SIPA1L2: variants seen among roughly 807,000 people sequenced by gnomAD.
SIPA1L2 encodes signal-induced proliferation-associated 1-like protein 2.
In SIPA1L2, 56 loss-of-function variants were observed where a neutral mutation model predicts 163.9. The observed-to-expected ratio is 0.34, with a 90% CI of 0.28 to 0.43. The LOEUF (loss-of-function observed/expected upper bound fraction) is 0.43, where lower values mean the gene tolerates loss of function less well. SIPA1L2 is among the 20% of genes least tolerant of loss of function. SIPA1L2 has a pLI of 1.00. For synonymous variants in SIPA1L2, 877 were observed against 865.7 expected (o/e 1.01, Z -0.23); for missense variants, 1,974 against 2,193.5 (o/e 0.90, Z 2.00).
At chr1:232,453,027 G>C (rs954013595) in intron 10 of SIPA1L2, among the ~76,000 whole-genome samples, 5 of 152,074 alleles carry the variant, frequency 3.3e-5, no homozygotes, top group African/African-American at 1.2e-4. Flanking sequence ...GAAAGTTCTA[G>C]ATAACAGATG....
rs565237078 is a variant in SIPA1L2 at position 232,575,640 on chromosome 1, A to C, written c.-318-1418T>G. On this transcript the variant is annotated intron_variant, in intron 1 of 22. Transcript: ENST00000674635. ...CCTAAAAAAAAAAATTAAACACAGC[A>C]TTACCATATAACCCAGCAATTCTAC... Among the ~76,000 whole-genome samples, 12 of 152,300 alleles carry C rather than the reference A, an allele frequency of 7.9e-5. No individual in the cohort carries two copies. The South Asian group carries it at 1.7e-3, about 21-fold the overall frequency.
chr1:232,509,495 G>A (rs1436783431), intron 3 of SIPA1L2, among the ~76,000 whole-genome samples: 1 of 152,132 alleles, frequency 6.6e-6, no homozygotes, highest in Non-Finnish European at 1.5e-5. Context: ...GCAAAAAAGG[G>A]AAAGAAAAAA....
chr1:232,452,987 T>G (rs1331192020), intron 10 of SIPA1L2, among the ~76,000 whole-genome samples: 4 of 152,168 alleles, frequency 2.6e-5, no homozygotes, highest in African/African-American at 9.7e-5. Context: ...GAAACCAACA[T>G]TAAACTGCAA....
intron 1 of SIPA1L2, among the ~76,000 whole-genome samples, chr1:232,590,383 A>C (rs1422633697): frequency 9.9e-5 from 15 of 152,262 alleles, no homozygotes. Context: ...AGTCTGAAGA[A>C]AGTAAATAAA....
intron 3 of SIPA1L2, among the ~76,000 whole-genome samples, chr1:232,501,073 T>TTTTTTTTTTTA (rs71173222): frequency 7.3e-6 from 1 of 136,074 alleles, no homozygotes; most frequent in Non-Finnish European, 1.6e-5. Context: ...TTTTTTTTTT[T>TTTTTTTTTTTA]GTGAGACAGA....
At chr1:232,546,569 A>C (rs1658043345) in intron 2 of SIPA1L2, among the ~76,000 whole-genome samples, 2 of 152,218 alleles carry the variant, frequency 1.3e-5, no homozygotes, top group South Asian at 4.1e-4. Flanking sequence ...GACACGCTCT[A>C]ACCTACTCTG....
intron 5 of SIPA1L2, among the ~76,000 whole-genome samples, chr1:232,486,666 T>C (rs967177660): frequency 2.2e-4 from 34 of 152,236 alleles, no homozygotes; most frequent in African/African-American, 7.2e-4. Flanking sequence ...TGACTCAGAG[T>C]AAAGAATTGT....
At position 232,493,551 on chromosome 1, in the gene SIPA1L2, G is replaced by C; in HGVS notation, c.1593C>G (p.Tyr531Ter). ...AKEKEGSQFN[Y>*]RVAFRTSELT... Reference sequence around the variant, plus strand: ...CCTCACTTGTCCTGAAAGCCACCCTGTAGTTGAACTGGGATCCTTCTTTCT... The same window carrying C: ...CCTCACTTGTCCTGAAAGCCACCCTCTAGTTGAACTGGGATCCTTCTTTCT... The change falls in exon 4 of 23, where the codon TAC (tyrosine) becomes TAG (stop). Residue 531 changes from tyrosine to a stop codon, truncating the protein, a stop_gained. Transcript: ENST00000674635. LOFTEE classifies it high-confidence loss of function. 1 of 1,614,100 alleles carries C rather than the reference G, an allele frequency of 6.2e-7. No homozygotes were observed. The highest frequency in any genetic ancestry group is 8.5e-7 in the Non-Finnish European group (1 of 1,179,998).
Position 232,514,235 on chromosome 1 carries a change from T to A in SIPA1L2, c.1105A>T (p.Met369Leu). Residue 369 changes from methionine to leucine, a missense_variant, in exon 3 of 23, where the codon ATG (methionine) becomes TTG (leucine). Transcript: ENST00000674635. ...TGASAASQTQMPTGQTGNCES... is the reference protein window; with the variant it reads ...TGASAASQTQLPTGQTGNCES... ...CAGTTGCCTGTCTGGCCCGTAGGCA[T>A]CTGAGTCTGGGATGCTGCAGATGCC... 1 of 1,614,240 alleles carries A rather than the reference T, an allele frequency of 6.2e-7. No individual in the cohort carries two copies. Among genetic ancestry groups the A allele is most frequent in the Non-Finnish European group, 8.5e-7 (1 of 1,180,040 alleles).
At chr1:232,587,480 C>G (rs1041477895) in intron 1 of SIPA1L2, among the ~76,000 whole-genome samples, 1 of 152,170 alleles carries the variant, frequency 6.6e-6, no homozygotes, top group Admixed American at 6.5e-5. Flanking sequence ...CAAGGCTCTT[C>G]AACTGGATCT....
intron 8 of SIPA1L2, among the ~76,000 whole-genome samples, chr1:232,470,407 C>G (rs574806801): frequency 6.6e-6 from 1 of 152,212 alleles, no homozygotes; most frequent in Non-Finnish European, 1.5e-5. Context: ...GGTTTTCAGA[C>G]TTTGTTCTAA....
At chr1:232,420,469 G>C (rs1661507472) in intron 18 of SIPA1L2, among the ~76,000 whole-genome samples, 2 of 152,164 alleles carry the variant, frequency 1.3e-5, no homozygotes, top group African/African-American at 4.8e-5. Context: ...ATTTGCCTCA[G>C]GTATCAAAGC....
In SIPA1L2 at chr1:232,551,902, C is replaced by T. The variant is rs1315665602; in HGVS notation, c.-270+22272G>A. Among the ~76,000 whole-genome samples the T allele has an allele frequency of 2.6e-5, 4 of 152,144 alleles. No homozygotes were observed. In the East Asian group the frequency reaches 5.8e-4, roughly 22 times the overall value. On this transcript the variant is annotated intron_variant, in intron 2 of 22. Coordinates refer to ENST00000674635, the MANE Select transcript of SIPA1L2 (RefSeq NM_020808.5). Reference sequence around the variant, plus strand: ...TACCCCAGGCTGGAGTGCAATGGTGCGATCTCGGCTCACTGCAACCTCTGC... The same window carrying T: ...TACCCCAGGCTGGAGTGCAATGGTGTGATCTCGGCTCACTGCAACCTCTGC...
chr1:232,401,365 C>T (rs1660329056), intron 22 of SIPA1L2, among the ~76,000 whole-genome samples: 1 of 152,200 alleles, frequency 6.6e-6, no homozygotes, highest in Admixed American at 6.5e-5. Context: ...TTAATTTATG[C>T]TCCAAATTCA....
chr1:232,448,365 G>C lies in SIPA1L2; in HGVS notation c.3096-2579C>G, dbSNP rs1010300658. Among the ~76,000 whole-genome samples, 2 of 152,164 alleles carry C rather than the reference G, an allele frequency of 1.3e-5. 1 individual carries two copies. The highest frequency in any genetic ancestry group is 4.1e-4 in the South Asian group (2 of 4,826). On this transcript the variant is annotated intron_variant, in intron 10 of 22. Transcript: ENST00000674635. ...CCAGTGCCTCTCCCTAGACATTCCA[G>C]AGCCAACATAAAACAACAACAACAA...
At chr1:232,494,746 T>C (rs990006708) in intron 3 of SIPA1L2, among the ~76,000 whole-genome samples, 9 of 152,320 alleles carry the variant, frequency 5.9e-5, no homozygotes, top group African/African-American at 1.9e-4. Flanking sequence ...ATTACCCAAA[T>C]GCTTATTAAT....
In SIPA1L2 at chr1:232,514,426, A is replaced by G. The variant is rs1374079269; in HGVS notation, c.914T>C (p.Phe305Ser). ...CTCCTCCAGCTCAGACGTGAACTTG[A>G]AAGTTTCGTGCTCACTTTTAACAGT... is the stretch of plus-strand genomic sequence containing the variant. ...LRTVKSEHET[F>S]KFTSELEESR... Residue 305 changes from phenylalanine (F) to serine (S), a missense_variant, in exon 3 of 23, where the codon TTC becomes TCC. Transcript: ENST00000674635. 5 of 1,614,204 alleles carry G rather than the reference A, an allele frequency of 3.1e-6. No individual in the cohort carries two copies. Among genetic ancestry groups the G allele is most frequent in the Non-Finnish European group, 3.4e-6 (4 of 1,180,034 alleles).
At chr1:232,614,883 T>TG (rs1395185245) in intron 1 of SIPA1L2, among the ~76,000 whole-genome samples, 1 of 152,254 alleles carries the variant, frequency 6.6e-6, no homozygotes, top group East Asian at 1.9e-4. Flanking sequence ...TAAGTTTTCA[T>TG]TCTTTTGCAT....
chr1:232,475,139 A>T (rs1664977716), intron 7 of SIPA1L2, among the ~76,000 whole-genome samples: 1 of 152,144 alleles, frequency 6.6e-6, no homozygotes, highest in South Asian at 2.1e-4. Flanking sequence ...TTGAGTTTGA[A>T]TCTAAATCCT....
Sources: allele counts gnomAD v4.1 joint callset (sites outside exome capture counted in the v4.1 genomes callset), GRCh38; gene constraint gnomAD v4.1.1; transcripts MANE v1.5; gene names NCBI Gene and HGNC (gene_info 2026-07-23, HGNC 2026-07-21).